SYT1: variants seen among roughly 807,000 people sequenced by gnomAD.
SYT1 encodes the protein synaptotagmin 1.
In SYT1, 8 loss-of-function variants were observed where a neutral mutation model predicts 44.8. The observed-to-expected ratio is 0.18, with a 90% confidence interval of 0.10 to 0.32. The LOEUF is 0.32. Ranked by LOEUF, SYT1 falls within the 10% of genes least tolerant of loss-of-function variation. The pLI, the probability that SYT1 is intolerant of heterozygous loss-of-function variation, is 1.00. For missense variants in SYT1, 286 were observed against 509.3 expected (o/e 0.56, Z 4.22); for synonymous variants, 154 against 188.8 (o/e 0.82, Z 1.51).
chr12:78,931,528 T>C (rs537980605), intron 1 of SYT1, among the ~76,000 whole-genome samples: 3 of 152,290 alleles, frequency 2.0e-5, no homozygotes, highest in Admixed American at 2.0e-4. Flanking sequence ...CATCTGCCCA[T>C]AGAATGCAGG....
intron 4 of SYT1, among the ~76,000 whole-genome samples, chr12:79,285,492 TG>T (rs1879265006): frequency 6.6e-6 from 1 of 152,180 alleles, no homozygotes; most frequent in Admixed American, 6.5e-5. Flanking sequence ...CTCCAAAGCT[TG>T]GCTCTGAATG....
chr12:79,172,435 T>G (rs892648451), intron 3 of SYT1, among the ~76,000 whole-genome samples: 14 of 152,160 alleles, frequency 9.2e-5, no homozygotes, highest in African/African-American at 3.1e-4. Context: ...TGAATAGTGA[T>G]AAGATAATTT....
chr12:79,410,326 A>G (rs988356653), intron 9 of SYT1, among the ~76,000 whole-genome samples: 9 of 152,076 alleles, frequency 5.9e-5, no homozygotes, highest in Non-Finnish European at 1.2e-4. Context: ...AGTTCAATAC[A>G]GTTTTTCTCT....
chr12:79,043,727 GTCTTTA>G (rs1873773893), intron 2 of SYT1, among the ~76,000 whole-genome samples: 2 of 152,094 alleles, frequency 1.3e-5, no homozygotes, highest in African/African-American at 2.4e-5. Context: ...AGTCTCCATG[GTCTTTA>G]CATTTTGGCA....
rs1225707184 is a variant in SYT1, at chr12:79,310,945, A to G, written c.810+11394A>G. Among the ~76,000 whole-genome samples, 4 of 152,330 alleles carry G rather than the reference A, an allele frequency of 2.6e-5. No individual in the cohort carries two copies. The East Asian group carries it at 5.8e-4, about 22-fold the overall frequency. ...GACAATGGGGTTTTCTAGATATACA[A>G]TCATGTCATCTGCAAACAGGGACAA... On this transcript the variant is annotated intron_variant, in intron 8 of 10. Coordinates refer to ENST00000261205, the MANE Select transcript of SYT1 (RefSeq NM_005639.3).
At chr12:78,934,794 A>G (rs1052267491) in intron 1 of SYT1, among the ~76,000 whole-genome samples, 2 of 152,220 alleles carry the variant, frequency 1.3e-5, no homozygotes, top group Admixed American at 1.3e-4. Context: ...AATGTGGCAT[A>G]TAATTTTTGT....
intron 3 of SYT1, among the ~76,000 whole-genome samples, chr12:79,157,218 A>C (rs977592708): frequency 1.3e-5 from 2 of 152,156 alleles, no homozygotes; most frequent in African/African-American, 2.4e-5. Flanking sequence ...CTTGCCGTTT[A>C]TTGCAAGGGA....
chr12:79,178,328 A>G (rs77753512), intron 3 of SYT1, among the ~76,000 whole-genome samples: 5,403 of 151,628 alleles, frequency 0.036, 119 homozygotes, highest in Admixed American at 0.052. Flanking sequence ...TTTTATTTCA[A>G]TTTTTTTGTA....
intron 3 of SYT1, among the ~76,000 whole-genome samples, chr12:79,145,024 G>T (rs1376767288): frequency 6.6e-6 from 1 of 152,126 alleles, no homozygotes; most frequent in Non-Finnish European, 1.5e-5. Flanking sequence ...AACTTTCTAA[G>T]CTTCAGTTTA....
chr12:79,271,980 C>T (rs2138772836), intron 4 of SYT1, among the ~76,000 whole-genome samples: 1 of 152,272 alleles, frequency 6.6e-6, no homozygotes, highest in South Asian at 2.1e-4. Context: ...TATTGTATCA[C>T]ATAGTCAATA....
intron 1 of SYT1, among the ~76,000 whole-genome samples, chr12:78,937,663 G>A (rs1287027227): frequency 2.6e-5 from 4 of 151,930 alleles, no homozygotes; most frequent in Non-Finnish European, 4.4e-5. Context: ...AAAGAGAAAC[G>A]GTGTTTATGT....
intron 9 of SYT1, among the ~76,000 whole-genome samples, chr12:79,358,359 T>C (rs1425296593): frequency 6.6e-6 from 1 of 151,930 alleles, no homozygotes; most frequent in Non-Finnish European, 1.5e-5. Flanking sequence ...TTTTTAACTG[T>C]TAAAAAGTCA....
rs367643723 is a variant in SYT1, at chr12:78,979,604, A to T, written c.-84+1673A>T. Among the ~76,000 whole-genome samples, 17 of 152,236 alleles carry T rather than the reference A, an allele frequency of 1.1e-4. 1 individual carries two copies. The highest frequency in any genetic ancestry group is 5.8e-4 in the East Asian group (3 of 5,182). On this transcript the variant is annotated intron_variant, in intron 2 of 10. Coordinates refer to ENST00000261205, the MANE Select transcript of SYT1 (RefSeq NM_005639.3). ...AAATAAAAACACCACAATCAAGTTAAATTTGAATTTTAATTTTTTTCTACA... is the reference window on the plus strand; with the variant it reads ...AAATAAAAACACCACAATCAAGTTATATTTGAATTTTAATTTTTTTCTACA...
intron 9 of SYT1, among the ~76,000 whole-genome samples, chr12:79,365,464 A>T (rs770872710): frequency 6.6e-6 from 1 of 152,154 alleles, no homozygotes; most frequent in Non-Finnish European, 1.5e-5. Context: ...GGAACAATAT[A>T]GTAAAGATGT....
intron 8 of SYT1, among the ~76,000 whole-genome samples, chr12:79,351,334 C>T (rs1421672971): frequency 1.3e-5 from 2 of 152,160 alleles, no homozygotes; most frequent in East Asian, 3.9e-4. Flanking sequence ...TGGAAGAAGA[C>T]ATTTGTGACA....
chr12:78,997,394 C>G (rs1164082397), intron 2 of SYT1, among the ~76,000 whole-genome samples: 1 of 152,128 alleles, frequency 6.6e-6, no homozygotes, highest in Non-Finnish European at 1.5e-5. Context: ...TCATGTTATT[C>G]CCAATGCCTT....
intron 9 of SYT1, among the ~76,000 whole-genome samples, chr12:79,412,311 C>T (rs865920471): frequency 6.6e-5 from 10 of 152,190 alleles, no homozygotes; most frequent in Middle Eastern, 3.4e-3. Flanking sequence ...GGGCACTCTT[C>T]CCTTACCAGT....
intron 4 of SYT1, among the ~76,000 whole-genome samples, chr12:79,258,245 G>T (rs1054731891): frequency 6.6e-6 from 1 of 152,178 alleles, no homozygotes. Context: ...CTGCGATGGT[G>T]TTGGAAAACA....
chr12:79,219,101 T>A (rs1042589258), intron 4 of SYT1, among the ~76,000 whole-genome samples: 19 of 152,192 alleles, frequency 1.2e-4, no homozygotes, highest in Non-Finnish European at 2.4e-4. Context: ...TGCATTGCCT[T>A]GATAATTAGT....
Sources: allele counts gnomAD v4.1 joint callset (sites outside exome capture counted in the v4.1 genomes callset), GRCh38; gene constraint gnomAD v4.1.1; transcripts MANE v1.5; gene names NCBI Gene and HGNC (gene_info 2026-07-23, HGNC 2026-07-21).